The following EHD3 variants were observed in gnomAD, a reference collection of about 807,000 sequenced individuals.
The protein encoded by EHD3 is EH domain containing 3.
EHD3 carries 17 observed loss-of-function variants against 43.0 expected under a neutral mutation model. The observed-to-expected ratio is 0.40, with a 90% CI of 0.27 to 0.59. The LOEUF is 0.59. Ranked by LOEUF, EHD3 falls within the 20% of genes least tolerant of loss-of-function variation. The pLI, the probability that EHD3 is intolerant of heterozygous loss-of-function variation, is 0.49. For synonymous variants in EHD3, 313 were observed against 289.5 expected, an observed-to-expected ratio of 1.08 and a Z score of -0.82; for missense variants, 594 against 705.6, an observed-to-expected ratio of 0.84 and a Z score of 1.79.
intron 1 of EHD3, among the ~76,000 whole-genome samples, chr2:31,239,332 T>C (rs910918448): frequency 5.9e-5 from 9 of 152,092 alleles, no homozygotes; most frequent in African/African-American, 2.2e-4. Flanking sequence ...CTTTGTCTGA[T>C]AGGGTTCTGA....
chr2:31,253,280 A>ACACACAC, intron 3 of EHD3, among the ~76,000 whole-genome samples: 1 of 149,206 alleles, frequency 6.7e-6, no homozygotes, highest in Non-Finnish European at 1.5e-5. Flanking sequence ...ACACACACAC[A>ACACACAC]AATGTGTGCA....
At chr2:31,253,313 T>C (rs926565427) in intron 3 of EHD3, among the ~76,000 whole-genome samples, 2 of 151,396 alleles carry the variant, frequency 1.3e-5, no homozygotes, top group Non-Finnish European at 2.9e-5. Flanking sequence ...TGCTTTCTCA[T>C]GGCTTCTTGC....
At chr2:31,243,448 C>CTTTTTTTTTTTTTTTTTTTTTTTTTTT in intron 1 of EHD3, among the ~76,000 whole-genome samples, 1 of 67,008 alleles carries the variant, frequency 1.5e-5, no homozygotes, top group Non-Finnish European at 2.7e-5. Flanking sequence ...TTCTTTCTTT[C>CTTTTTTTTTTTTTTTTTTTTTTTTTTT]TTTCTTTCTT....
intron 1 of EHD3, among the ~76,000 whole-genome samples, chr2:31,240,058 G>A (rs747006959): frequency 1.3e-5 from 2 of 152,136 alleles, no homozygotes; most frequent in Non-Finnish European, 2.9e-5. Context: ...ATGGCTGAGG[G>A]TGCTTTCGAC....
rs752277809 is a variant in EHD3 at position 31,234,573 on chromosome 2, G to A, written c.-49G>A. On this transcript the variant is annotated 5_prime_UTR_variant, in exon 1 of 6. Coordinates refer to ENST00000322054, the MANE Select transcript of EHD3 (RefSeq NM_014600.3). ...GGTCCTACGGGACATCTTCCCCTGA[G>A]GAGGAGTCTTCCCCTGGGGCTGCGT... is the stretch of plus-strand genomic sequence containing the variant. The A allele has an allele frequency of 6.3e-7, 1 of 1,599,218 alleles. No individual in the cohort carries two copies. The highest frequency in any genetic ancestry group is 2.2e-5 in the East Asian group (1 of 44,760).
chr2:31,243,448 C>CTTTTTTTTTTTTTTTTTTTTTTTTTTTT lies in EHD3; in HGVS notation c.228-823_228-822insTTTTTTTTTTTTTTTTTTTTTTTTTTTT. On this transcript the variant is annotated intron_variant, in intron 1 of 5. Coordinates refer to ENST00000322054, the MANE Select transcript of EHD3 (RefSeq NM_014600.3). Reference sequence around the variant, plus strand: ...TCTTTCTTTCTTTCTTTCTTTCTTTCTTTCTTTCTTTCTTTTTTTTTTTTT... The same window carrying CTTTTTTTTTTTTTTTTTTTTTTTTTTTT: ...TCTTTCTTTCTTTCTTTCTTTCTTTCTTTTTTTTTTTTTTTTTTTTTTTTTTTTTTTCTTTCTTTCTTTTTTTTTTTTT... 3.0e-5 allele frequency among the ~76,000 whole-genome samples: 2 copies of CTTTTTTTTTTTTTTTTTTTTTTTTTTTT among 67,008 alleles called. 1 individual carries two copies. The highest frequency in any genetic ancestry group is 4.0e-4 in the Admixed American group (2 of 5,004). 44.0% of individuals were successfully genotyped at this position (67,008 alleles called of 152,430 possible). A position where few individuals can be genotyped will look rare whatever the true frequency, so the allele number is the denominator to read the frequency against.
intron 3 of EHD3, among the ~76,000 whole-genome samples, chr2:31,256,572 G>A (rs1166994246): frequency 2.0e-5 from 3 of 152,226 alleles, no homozygotes; most frequent in East Asian, 1.9e-4. Flanking sequence ...GATGATTTCA[G>A]TGAGCTGAAG....
At chr2:31,236,188 G>A (rs559752155) in intron 1 of EHD3, among the ~76,000 whole-genome samples, 5 of 152,218 alleles carry the variant, frequency 3.3e-5, no homozygotes, top group African/African-American at 4.8e-5. Flanking sequence ...AATAGGTCAT[G>A]TCTAAACACA....
In EHD3 at chr2:31,266,070, G is replaced by C. The variant is rs1683942892; in HGVS notation, c.1081-107G>C. On this transcript the variant is annotated intron_variant, in intron 5 of 5. Transcript: ENST00000322054. The surrounding 1 kb of genome is among the most constrained non-coding windows in gnomAD (Gnocchi z 5.1). ...TCTAGGTCACAGGTCTTTCATTGTA[G>C]AAAGGGATCAGCTGTGAACATTCTG... 1.4e-6 allele frequency: 2 copies of C among 1,383,900 alleles called. No homozygotes were observed. The highest frequency in any genetic ancestry group is 2.3e-5 in the Admixed American group (1 of 42,618). 85.7% of individuals were successfully genotyped at this position (1,383,900 alleles called of 1,614,324 possible).
At chr2:31,251,760 G>T (rs185801726) in intron 3 of EHD3, among the ~76,000 whole-genome samples, 1 of 152,130 alleles carries the variant, frequency 6.6e-6, no homozygotes, top group African/African-American at 2.4e-5. Context: ...CAGCACGCAC[G>T]CTGTAAGCAC....
rs1471787931 is a variant in EHD3, at chr2:31,252,633, CCCAG to C, written c.502+3167_502+3170del. 3.9e-5 allele frequency among the ~76,000 whole-genome samples: 6 copies of C among 152,184 alleles called. No homozygotes were observed. The South Asian group carries it at 6.2e-4, about 16-fold the overall frequency. On this transcript the variant is annotated intron_variant, in intron 3 of 5. Transcript: ENST00000322054. ...GGGACGACAGGCATGCGCCACCACA[CCCAG>C]CTAATTTTTGTATTTTTAGTAGAGA...
At chr2:31,234,891 C>T (rs778963748) in intron 1 of EHD3, 43 bp downstream of exon 1, 2 of 1,585,628 alleles carry the variant, frequency 1.3e-6, no homozygotes, top group Admixed American at 3.3e-5. Flanking sequence ...CGGAGCCCAG[C>T]GCCTAGTCCC....
rs1683996684 is a variant in EHD3 at position 31,268,502 on chromosome 2, C to G, written c.*1798C>G. On this transcript the variant is annotated 3_prime_UTR_variant, in exon 6 of 6. Transcript: ENST00000322054. ...GGCTGGAAAGGGCTCACTGGGGCCA[C>G]CCAATGGCCAGCATCCACAACCAGC... is the stretch of plus-strand genomic sequence containing the variant. 1 of 152,208 alleles carries G rather than the reference C, an allele frequency of 6.6e-6. No homozygotes were observed. Among genetic ancestry groups the G allele is most frequent in the Non-Finnish European group, 1.5e-5 (1 of 68,052 alleles). The allele number at this position is 152,208 out of a possible 1,614,324, so 9.4% of individuals were successfully genotyped here.
chr2:31,264,473 T>C (rs1231287839), intron 5 of EHD3, among the ~76,000 whole-genome samples: 2 of 152,006 alleles, frequency 1.3e-5, no homozygotes, highest in African/African-American at 2.4e-5. Flanking sequence ...GGCTACACTA[T>C]ATTTATTTTT....
At chr2:31,264,524 C>T (rs1683907414) in intron 5 of EHD3, among the ~76,000 whole-genome samples, 1 of 135,450 alleles carries the variant, frequency 7.4e-6, no homozygotes, top group South Asian at 2.3e-4. Flanking sequence ...AACATTTCTA[C>T]TTTACAGACT....
At chr2:31,248,993 G>A (rs928637329) in intron 2 of EHD3, among the ~76,000 whole-genome samples, 1 of 152,154 alleles carries the variant, frequency 6.6e-6, no homozygotes, top group Non-Finnish European at 1.5e-5. Context: ...GCTAAGTGGA[G>A]TAACTCAAGG....
In EHD3 at chr2:31,244,309, T is replaced by C. The variant is rs764122162; in HGVS notation, c.263T>C (p.Ile88Thr). 8 of 1,614,118 alleles carry C rather than the reference T, an allele frequency of 5.0e-6. No individual in the cohort carries two copies. In the South Asian group the frequency reaches 7.7e-5, roughly 16 times the overall value. ...GAACAGGACTTCCCAGGCATGAGGA[T>C]TGGGCCTGAGCCCACCACAGACTCC... Reference protein sequence around the residue: ...LLEQDFPGMRIGPEPTTDSFI... With the variant: ...LLEQDFPGMRTGPEPTTDSFI... Residue 88 changes from isoleucine (I) to threonine (T), a missense_variant, in exon 2 of 6, where the codon ATT (isoleucine) becomes ACT (threonine). Ile to Thr is a moderately conservative substitution (Grantham distance 89). Coordinates refer to ENST00000322054, the MANE Select transcript of EHD3 (RefSeq NM_014600.3).
chr2:31,264,199 C>T (rs371744702), intron 5 of EHD3, among the ~76,000 whole-genome samples: 3 of 152,312 alleles, frequency 2.0e-5, no homozygotes, highest in East Asian at 1.9e-4. Flanking sequence ...TGCTTCTAGG[C>T]CACAGACCTA....
At chr2:31,253,246 C>CCA (rs34392955) in intron 3 of EHD3, among the ~76,000 whole-genome samples, 64,661 of 141,710 alleles carry the variant, frequency 0.46, 14,479 homozygotes, top group Admixed American at 0.54. Context: ...CAACCCCCTC[C>CCA]CACACACACA....
Sources: allele counts gnomAD v4.1 joint callset (sites outside exome capture counted in the v4.1 genomes callset), GRCh38; gene constraint gnomAD v4.1.1; non-coding constraint Gnocchi (gnomAD v3.1); transcripts MANE v1.5; gene names NCBI Gene and HGNC (gene_info 2026-07-23, HGNC 2026-07-21).